Variants in UBASH3B observed in about 807,000 individuals in gnomAD.
UBASH3B encodes ubiquitin associated and SH3 domain containing B, also known as ubiquitin-associated and SH3 domain-containing protein B.
UBASH3B carries 37 observed loss-of-function variants against 83.4 expected under a neutral mutation model. The observed-to-expected ratio is 0.44, with a 90% CI of 0.34 to 0.58. The LOEUF is 0.58. UBASH3B is among the 20% of genes least tolerant of loss of function. The pLI, the probability that UBASH3B is intolerant of heterozygous loss-of-function variation, is 0.01. For synonymous variants in UBASH3B, 304 were observed against 318.3 expected (o/e 0.96, Z 0.48); for missense variants, 657 against 827.2 (o/e 0.79, Z 2.52).
intron 1 of UBASH3B, among the ~76,000 whole-genome samples, chr11:122,673,376 C>T (rs1215216853): frequency 2.6e-4 from 40 of 152,256 alleles, no homozygotes; most frequent in Non-Finnish European, 4.4e-5. Flanking sequence ...GGGCTGGGCG[C>T]GGTGGCTCAC....
At chr11:122,796,033 GTCC>G in intron 7 of UBASH3B, 120 bp from the exon 8 acceptor site, 1 of 1,268,496 alleles carries the variant, frequency 7.9e-7, no homozygotes, top group Non-Finnish European at 1.1e-6. Context: ...GAGTCTTACT[GTCC>G]TCACCAAGTC....
rs1191522858 is a variant in UBASH3B at position 122,811,859 on chromosome 11, T to C, written c.*1973T>C. 6.6e-6 allele frequency: 1 copy of C among 152,200 alleles called. No individual in the cohort carries two copies. Among genetic ancestry groups the C allele is most frequent in the African/African-American group, 2.4e-5 (1 of 41,456 alleles). 9.4% of individuals were successfully genotyped at this position (152,200 alleles called of 1,614,324 possible). On this transcript the variant is annotated 3_prime_UTR_variant, in exon 14 of 14. Transcript: ENST00000284273. ...ATGTAATGGCTCTACCATTCATTCTTCTGGTATTTGTAATGAAGTGAATCC... is the reference window on the plus strand; with the variant it reads ...ATGTAATGGCTCTACCATTCATTCTCCTGGTATTTGTAATGAAGTGAATCC...
chr11:122,665,580 C>T (rs1307599609), intron 1 of UBASH3B, among the ~76,000 whole-genome samples: 1 of 152,118 alleles, frequency 6.6e-6, no homozygotes, highest in African/African-American at 2.4e-5. Flanking sequence ...CTTTTCTGTT[C>T]CTGTTTTTGT....
At chr11:122,772,055 A>T (rs2062575821) in intron 1 of UBASH3B, among the ~76,000 whole-genome samples, 2 of 152,228 alleles carry the variant, frequency 1.3e-5, no homozygotes, top group Admixed American at 6.5e-5. Flanking sequence ...CTAGAAGCTT[A>T]TGTGGTGTTC....
rs1861485970 is a variant in UBASH3B, at chr11:122,813,560, T to C, written c.*3674T>C. The C allele has an allele frequency of 6.6e-6, 1 of 152,146 alleles. No homozygotes were observed. Among genetic ancestry groups the C allele is most frequent in the Non-Finnish European group, 1.5e-5 (1 of 68,024 alleles). 9.4% of individuals were successfully genotyped at this position (152,146 alleles called of 1,614,324 possible). The stretch of plus-strand genomic sequence containing the variant: ...GTTACTGAGTCTGCACGAACTTAGA[T>C]AATGAGGTGCAGGGTTATTTGCATT... On this transcript the variant is annotated 3_prime_UTR_variant, in exon 14 of 14. Transcript: ENST00000284273.
chr11:122,779,229 G>A, intron 3 of UBASH3B: 1 of 534,120 alleles, frequency 1.9e-6, no homozygotes, highest in Non-Finnish European at 3.4e-6. Flanking sequence ...CAGTCCTGCA[G>A]CATTTTGGCT....
chr11:122,777,118 C>A lies in UBASH3B; in HGVS notation c.310C>A (p.Leu104Ile). The A allele has an allele frequency of 6.2e-7, 1 of 1,614,184 alleles. No individual in the cohort carries two copies. The highest frequency in any genetic ancestry group is 8.5e-7 in the Non-Finnish European group (1 of 1,180,032). ...LRPTGPLAQK[L>I]SDFWQQSKQI... ...TCCCACCGGCCCCTTAGCACAGAAGCTTTCCGACTTTTGGCAGCAGTCGAA... is the reference window on the plus strand; with the variant it reads ...TCCCACCGGCCCCTTAGCACAGAAGATTTCCGACTTTTGGCAGCAGTCGAA... Residue 104 changes from leucine (L) to isoleucine (I), a missense_variant, in exon 3 of 14, where the codon CTT (leucine) becomes ATT (isoleucine). By Grantham distance (5) the Leu-to-Ile change is conservative. This residue lies in a region of UBASH3B where 573 missense variants were observed against 739.0 expected (regional missense o/e 0.78). Transcript: ENST00000284273.
chr11:122,790,956 A>AT (rs1861042780), intron 6 of UBASH3B, among the ~76,000 whole-genome samples: 2 of 151,990 alleles, frequency 1.3e-5, no homozygotes, highest in South Asian at 4.1e-4. Flanking sequence ...GTCTGAAAAA[A>AT]AAAAAAAAGT....
At chr11:122,667,965 C>T (rs1388059149) in intron 1 of UBASH3B, among the ~76,000 whole-genome samples, 2 of 152,100 alleles carry the variant, frequency 1.3e-5, no homozygotes, top group Non-Finnish European at 2.9e-5. Context: ...TCTCTGAGTC[C>T]AGGCACCTAG....
At chr11:122,766,642 C>T (rs1393245033) in intron 1 of UBASH3B, among the ~76,000 whole-genome samples, 1 of 152,198 alleles carries the variant, frequency 6.6e-6, no homozygotes. Flanking sequence ...ACTCAGGAGG[C>T]TGAGGCAGGA....
chr11:122,792,300 CT>C (rs200749669), intron 6 of UBASH3B, among the ~76,000 whole-genome samples: 18,275 of 140,144 alleles, frequency 0.13, 1,206 homozygotes, highest in Admixed American at 0.23. Context: ...ACTGGATTTT[CT>C]TTTTTTTTTT....
intron 13 of UBASH3B, among the ~76,000 whole-genome samples, chr11:122,808,971 A>T: frequency 1.5e-5 from 1 of 64,736 alleles, no homozygotes; most frequent in Middle Eastern, 6.5e-3. Context: ...AGAGACTCGT[A>T]AGGAGAAAAA....
chr11:122,683,308 G>A (rs1863766681), intron 1 of UBASH3B, among the ~76,000 whole-genome samples: 1 of 151,136 alleles, frequency 6.6e-6, no homozygotes, highest in Non-Finnish European at 1.5e-5. Flanking sequence ...TTAAAAGACT[G>A]TGACTATTTA....
In UBASH3B at chr11:122,731,517, C is replaced by A. The variant is rs1320359176; in HGVS notation, c.162-44702C>A. 3.4e-5 allele frequency among the ~76,000 whole-genome samples: 5 copies of A among 146,614 alleles called. No homozygotes were observed. In the Admixed American group the frequency reaches 3.4e-4, roughly 10 times the overall value. On this transcript the variant is annotated intron_variant, in intron 1 of 13. Transcript: ENST00000284273. ...ATACTGGGACAGTTGGTCTGATAACCTAGATATCTAGTCACTAGATAACTA... is the reference window on the plus strand; with the variant it reads ...ATACTGGGACAGTTGGTCTGATAACATAGATATCTAGTCACTAGATAACTA...
intron 1 of UBASH3B, among the ~76,000 whole-genome samples, chr11:122,657,843 A>T (rs1863384128): frequency 6.6e-6 from 1 of 152,042 alleles, no homozygotes; most frequent in Non-Finnish European, 1.5e-5. Flanking sequence ...TCAGGTGTGG[A>T]CGCTTCAGGT....
intron 9 of UBASH3B, 112 bp downstream of exon 9, chr11:122,797,145 G>T: frequency 7.1e-7 from 1 of 1,414,436 alleles, no homozygotes; most frequent in Non-Finnish European, 9.5e-7. Flanking sequence ...TTTCCTACAA[G>T]TTTCCTCAAT....
chr11:122,676,468 G>A (rs1474623460), intron 1 of UBASH3B, among the ~76,000 whole-genome samples: 1 of 152,156 alleles, frequency 6.6e-6, no homozygotes, highest in Non-Finnish European at 1.5e-5. Context: ...GAAAACCTGG[G>A]AGGCAGAGGT....
intron 3 of UBASH3B, 38 bp downstream of exon 3, chr11:122,777,248 C>T (rs1022257752): frequency 5.7e-6 from 9 of 1,575,352 alleles, no homozygotes; most frequent in African/African-American, 5.5e-5. Flanking sequence ...AAGCCTGGCT[C>T]CTAGGATCCC....
intron 1 of UBASH3B, among the ~76,000 whole-genome samples, chr11:122,753,625 T>C (rs2135969938): frequency 6.7e-6 from 1 of 150,232 alleles, no homozygotes; most frequent in South Asian, 2.1e-4. Flanking sequence ...GCCTCCCGAG[T>C]AGCTGGGATT....
Sources: gnomAD v4.1 joint callset for allele counts (sites outside exome capture counted in the v4.1 genomes callset) on GRCh38, gnomAD v4.1.1 for gene constraint, gnomAD v4.1.1 regional missense constraint, MANE v1.5 for transcripts, NCBI Gene and HGNC (gene_info 2026-07-23, HGNC 2026-07-21) for gene names.